SAMD8: variants seen among roughly 807,000 people sequenced by gnomAD.
The protein encoded by SAMD8 is sterile alpha motif domain containing 8.
Under a neutral mutation model 42.0 loss-of-function variants are expected in SAMD8, and 20 were observed. That is an observed-to-expected ratio of 0.48 (90% CI 0.34 to 0.69). The LOEUF (loss-of-function observed/expected upper bound fraction) is 0.69. Ranked by LOEUF, SAMD8 falls within the 30% of genes least tolerant of loss-of-function variation. The pLI is 0.01. For synonymous variants in SAMD8, 162 were observed against 173.0 expected (o/e 0.94, Z 0.50); for missense variants, 328 against 511.6 (o/e 0.64, Z 3.46).
At chr10:75,150,148 G>C (rs544116574) in intron 1 of SAMD8, among the ~76,000 whole-genome samples, 2 of 150,076 alleles carry the variant, frequency 1.3e-5, no homozygotes, top group South Asian at 4.2e-4. Context: ...ATCTCCCTCT[G>C]TTGCCCAGGC....
Position 75,116,339 on chromosome 10 carries a change from C to T in SAMD8, c.-16+4617C>T, listed in dbSNP as rs183775333. Among the ~76,000 whole-genome samples the T allele has an allele frequency of 2.0e-3, 300 of 152,212 alleles. 2 individuals carry two copies. The highest frequency in any genetic ancestry group is 0.016 in the South Asian group (79 of 4,826). On this transcript the variant is annotated intron_variant, in intron 1 of 5. Transcript: ENST00000542569. ...CAGGCTGGTTTAGAGCTCCTGGCCTCGAGCAGTCCTCCCACCTCAGCCTCC... is the reference window on the plus strand; with the variant it reads ...CAGGCTGGTTTAGAGCTCCTGGCCTTGAGCAGTCCTCCCACCTCAGCCTCC...
At chr10:75,174,255 G>A (rs1423914043) in intron 4 of SAMD8, among the ~76,000 whole-genome samples, 6 of 151,886 alleles carry the variant, frequency 4.0e-5, no homozygotes, top group African/African-American at 1.2e-4. Flanking sequence ...TCAGCCTCCC[G>A]AGTAGCTGGG....
rs557160022 is a variant in SAMD8 at position 75,129,399 on chromosome 10, C to T, written c.-16+17677C>T. Among the ~76,000 whole-genome samples the T allele has an allele frequency of 1.1e-4, 17 of 152,196 alleles. No individual in the cohort carries two copies. The South Asian group carries it at 3.5e-3, about 32-fold the overall frequency. On this transcript the variant is annotated intron_variant, in intron 1 of 5. Coordinates refer to ENST00000542569, the MANE Select transcript of SAMD8 (RefSeq NM_001174156.2). ...GGGATTACAGGCATGCACCACCACA[C>T]CCAGATAATTTTTGTATTTTTAATA... is the stretch of plus-strand genomic sequence containing the variant.
upstream of SAMD8, chr10:75,109,013 C>G (rs772625398): frequency 1.2e-6 from 2 of 1,604,768 alleles, no homozygotes; most frequent in South Asian, 2.2e-5. Context: ...ACTCACGCAT[C>G]TCCTATGAAA....
At chr10:75,132,097 A>G (rs1211047461) in intron 1 of SAMD8, among the ~76,000 whole-genome samples, 1 of 152,204 alleles carries the variant, frequency 6.6e-6, no homozygotes, top group Non-Finnish European at 1.5e-5. Context: ...TTGGCTTTTT[A>G]TATCCTACAC....
chr10:75,108,951 A>T (rs962127142), upstream of SAMD8: 1 of 1,543,396 alleles, frequency 6.5e-7, no homozygotes, highest in Non-Finnish European at 8.8e-7. Flanking sequence ...TGGTAAAGCG[A>T]CCAAGAACTG....
chr10:75,165,949 G>A (rs985431182), intron 3 of SAMD8, among the ~76,000 whole-genome samples: 5 of 147,118 alleles, frequency 3.4e-5, no homozygotes, highest in South Asian at 2.2e-4. Context: ...GCACTCCAGC[G>A]TGGGGTGACA....
chr10:75,109,325 A>G (rs1358974171), upstream of SAMD8: 2 of 605,714 alleles, frequency 3.3e-6, no homozygotes, highest in Admixed American at 4.2e-5. Context: ...GCCTCCCCCC[A>G]CCCCCAAACT....
chr10:75,163,050 G>A (rs1840595833), intron 2 of SAMD8, among the ~76,000 whole-genome samples: 1 of 151,104 alleles, frequency 6.6e-6, no homozygotes, highest in East Asian at 2.0e-4. Flanking sequence ...TCAGCCTCCC[G>A]AGTAGCTGTG....
At position 75,167,907 on chromosome 10, in the gene SAMD8, T is replaced by C. The variant is rs181777420; in HGVS notation, c.675-634T>C. Among the ~76,000 whole-genome samples, 71 of 152,396 alleles carry C rather than the reference T, an allele frequency of 4.7e-4. 1 individual carries two copies. The highest frequency in any genetic ancestry group is 2.1e-3 in the South Asian group (10 of 4,834). On this transcript the variant is annotated intron_variant, in intron 3 of 5. Transcript: ENST00000542569. ...CATCCTCGGCCAACTTTATCTCTTA[T>C]AAATAATTTAAGAGCAATTTTCAGT...
chr10:75,182,075 T>A lies in SAMD8; in HGVS notation c.*5383T>A, dbSNP rs1038649675. 2.0e-5 allele frequency: 3 copies of A among 152,240 alleles called. No individual in the cohort carries two copies. Among genetic ancestry groups the A allele is most frequent in the Non-Finnish European group, 4.4e-5 (3 of 68,038 alleles). The allele number at this position is 152,240 out of a possible 1,614,324, so 9.4% of individuals were successfully genotyped here. On this transcript the variant is annotated 3_prime_UTR_variant, in exon 6 of 6. Coordinates refer to ENST00000542569, the MANE Select transcript of SAMD8 (RefSeq NM_001174156.2). The stretch of plus-strand genomic sequence containing the variant: ...AATATATATTATTTTATATCTTTGT[T>A]GTATTAAAATGTTTAAAAACACTAA...
At chr10:75,104,115 T>C in intron 1 of SAMD8, 1 of 1,328,164 alleles carries the variant, frequency 7.5e-7, no homozygotes, top group Non-Finnish European at 1.0e-6. Context: ...AGAGATGAGC[T>C]CTGTGTTACA....
At chr10:75,101,816 C>A (rs781378560) in intron 1 of SAMD8, 2 of 1,280,734 alleles carry the variant, frequency 1.6e-6, no homozygotes, top group Non-Finnish European at 2.1e-6. Flanking sequence ...CATTACCCAG[C>A]ATGCTCAGGG....
At chr10:75,135,486 A>G (rs1347511221) in intron 1 of SAMD8, among the ~76,000 whole-genome samples, 1 of 151,482 alleles carries the variant, frequency 6.6e-6, no homozygotes, top group South Asian at 2.1e-4. Context: ...TGTACCCCAT[A>G]AATGTGTACA....
intron 2 of SAMD8, among the ~76,000 whole-genome samples, chr10:75,156,585 A>G (rs1159880545): frequency 6.6e-6 from 1 of 152,046 alleles, no homozygotes; most frequent in Non-Finnish European, 1.5e-5. Flanking sequence ...ACAAACAGAC[A>G]TTATGTGCAT....
chr10:75,171,459 G>A (rs372985458), intron 4 of SAMD8, among the ~76,000 whole-genome samples: 11 of 152,026 alleles, frequency 7.2e-5, no homozygotes, highest in African/African-American at 1.9e-4. Context: ...GAGCCATCGC[G>A]CCCAGCCTCT....
intron 3 of SAMD8, among the ~76,000 whole-genome samples, chr10:75,167,746 C>G (rs1235591953): frequency 6.6e-6 from 1 of 152,110 alleles, no homozygotes; most frequent in Non-Finnish European, 1.5e-5. Context: ...GTGTGCACCA[C>G]CACATCCAGC....
chr10:75,148,548 T>C (rs1773461873), intron 1 of SAMD8, among the ~76,000 whole-genome samples: 1 of 152,048 alleles, frequency 6.6e-6, no homozygotes, highest in Non-Finnish European at 1.5e-5. Context: ...AGAGATGGGG[T>C]TTCACCTTGT....
chr10:75,108,354 C>A, upstream of SAMD8: 1 of 1,406,996 alleles, frequency 7.1e-7, no homozygotes, highest in Non-Finnish European at 9.3e-7. Flanking sequence ...GGGTCTGACT[C>A]CACAGCCCTA....
Sources: gnomAD v4.1 joint callset for allele counts (sites outside exome capture counted in the v4.1 genomes callset) on GRCh38, gnomAD v4.1.1 for gene constraint, MANE v1.5 for transcripts, NCBI Gene and HGNC (gene_info 2026-07-23, HGNC 2026-07-21) for gene names.